The following DMGDH variants were observed in gnomAD, a reference collection of about 807,000 sequenced individuals.
DMGDH encodes dimethylglycine dehydrogenase.
In DMGDH, 76 loss-of-function variants were observed where a neutral mutation model predicts 95.2. The ratio of observed to expected loss-of-function variants is 0.80; its 90% CI spans 0.66 to 0.97. DMGDH has a LOEUF of 0.97. DMGDH is among the 50% of genes least tolerant of loss of function. The pLI, the probability that DMGDH is intolerant of heterozygous loss-of-function variation, is 0.00. For missense variants in DMGDH, 987 were observed against 1,055.0 expected (o/e 0.94, Z 0.89); for synonymous variants, 345 against 377.6 (o/e 0.91, Z 1.00).
chr5:79,017,770 C>T (rs1753765994), intron 14 of DMGDH, among the ~76,000 whole-genome samples: 1 of 152,180 alleles, frequency 6.6e-6, no homozygotes, highest in African/African-American at 2.4e-5. Flanking sequence ...CTTATATGTG[C>T]ATTTTTTTCA....
chr5:79,060,382 C>A (rs1007533529), intron 2 of DMGDH, among the ~76,000 whole-genome samples: 14 of 152,200 alleles, frequency 9.2e-5, no homozygotes, highest in African/African-American at 3.4e-4. Flanking sequence ...ATATCATGAG[C>A]TGACAAAGCA....
rs1399102215 is a variant in DMGDH, at chr5:79,050,267, AAAAAAAATATATATATAT to A, written c.745+1002_745+1019del. The stretch of plus-strand genomic sequence containing the variant: ...TTGTCTCAAAAAAAAAAAAAAAAAA[AAAAAAAATATATATATAT>A]ATATATATATATATATACCTCAAAA... On this transcript the variant is annotated intron_variant, in intron 5 of 15. Coordinates refer to ENST00000255189, the MANE Select transcript of DMGDH (RefSeq NM_013391.3). Among the ~76,000 whole-genome samples the A allele has an allele frequency of 7.1e-3, 334 of 46,836 alleles. 3 individuals carry two copies. Among genetic ancestry groups the A allele is most frequent in the South Asian group, 0.029 (43 of 1,480 alleles). 30.7% of individuals were successfully genotyped at this position (46,836 alleles called of 152,430 possible). A position where few individuals can be genotyped will look rare whatever the true frequency, so the allele number is the denominator to read the frequency against.
In DMGDH at chr5:79,060,204, C is replaced by T. The variant is rs547337561; in HGVS notation, c.276+3409G>A. Among the ~76,000 whole-genome samples, 10 of 152,330 alleles carry T rather than the reference C, an allele frequency of 6.6e-5. No individual in the cohort carries two copies. In the East Asian group the frequency reaches 1.9e-3, roughly 29 times the overall value. On this transcript the variant is annotated intron_variant, in intron 2 of 15. Transcript: ENST00000255189. ...TGGAAAGTTCTTATATCACCTCCTA[C>T]ACCCCAAATGGATCATCCTGAATCT...
At chr5:79,018,650 T>A (rs1347689765) in intron 14 of DMGDH, among the ~76,000 whole-genome samples, 3 of 152,128 alleles carry the variant, frequency 2.0e-5, no homozygotes, top group Non-Finnish European at 2.9e-5. Context: ...TTGCTTACTT[T>A]AAATATGTCA....
Position 79,026,483 on chromosome 5 carries a change from C to T in DMGDH, c.2131G>A (p.Gly711Arg), listed in dbSNP as rs1231574258. 6.2e-7 allele frequency: 1 copy of T among 1,613,960 alleles called. No individual in the cohort carries two copies. The highest frequency in any genetic ancestry group is 8.5e-7 in the Non-Finnish European group (1 of 1,180,016). The stretch of plus-strand genomic sequence containing the variant: ...CGTAAGGCATTCATGGCATAGGTTC[C>T]AAAATTGTCGATTCCCTCCTCCTGG... ...AGQEEGIDNF[G>R]TYAMNALRLE... Residue 711 changes from glycine (G) to arginine (R), a missense_variant, in exon 13 of 16, where the codon GGA becomes AGA. Physicochemically the swap from Gly to Arg is moderately radical, Grantham distance 125. Transcript: ENST00000255189.
chr5:79,069,513 C>T lies in DMGDH; in HGVS notation c.101+7G>A. ...GTCGCCTCTGAGCAGGACGGGGCCCCACTCACCCTTCCCGGCCGCAGACAG... is the reference window on the plus strand; with the variant it reads ...GTCGCCTCTGAGCAGGACGGGGCCCTACTCACCCTTCCCGGCCGCAGACAG... On this transcript the variant is annotated splice_region_variant and intron_variant, in intron 1 of 15. Coordinates refer to ENST00000255189, the MANE Select transcript of DMGDH (RefSeq NM_013391.3). The T allele has an allele frequency of 7.8e-7, 1 of 1,284,928 alleles. No homozygotes were observed. The highest frequency in any genetic ancestry group is 2.5e-5 in the South Asian group (1 of 39,816). 79.6% of individuals were successfully genotyped at this position (1,284,928 alleles called of 1,614,324 possible).
chr5:79,004,023 G>A (rs975152086), intron 15 of DMGDH, among the ~76,000 whole-genome samples: 2 of 152,054 alleles, frequency 1.3e-5, no homozygotes, highest in African/African-American at 4.8e-5. Context: ...AGACAGAAAA[G>A]AGATCAAATT....
At chr5:79,003,028 A>G (rs1263772179) in intron 15 of DMGDH, among the ~76,000 whole-genome samples, 4 of 152,226 alleles carry the variant, frequency 2.6e-5, no homozygotes, top group Non-Finnish European at 5.9e-5. Flanking sequence ...TTTAAAACTA[A>G]TTTTGTTATC....
chr5:79,052,180 A>C (rs996082924), intron 4 of DMGDH, among the ~76,000 whole-genome samples: 1 of 152,196 alleles, frequency 6.6e-6, no homozygotes, highest in African/African-American at 2.4e-5. Flanking sequence ...ATACTGCATA[A>C]TCTGTTTTAT....
intron 7 of DMGDH, among the ~76,000 whole-genome samples, chr5:79,034,797 C>G (rs1330523637): frequency 6.6e-6 from 1 of 152,132 alleles, no homozygotes; most frequent in Non-Finnish European, 1.5e-5. Flanking sequence ...ATGTCTCACG[C>G]CTGTAATCCC....
chr5:79,051,693 A>G (rs543209163), intron 4 of DMGDH, among the ~76,000 whole-genome samples: 1 of 152,342 alleles, frequency 6.6e-6, no homozygotes, highest in African/African-American at 2.4e-5. Context: ...ATAAACCTCT[A>G]TCTTGTTTAC....
chr5:79,038,612 A>G lies in DMGDH; in HGVS notation c.1193+3671T>C, dbSNP rs79754139. ...TTTTTTATAAAGATGCTGTGGTATA[A>G]TAAAAATTAAATATTTGGTCTTTAT... On this transcript the variant is annotated intron_variant, in intron 7 of 15. Transcript: ENST00000255189. 2.1e-3 allele frequency among the ~76,000 whole-genome samples: 319 copies of G among 152,352 alleles called. 1 individual carries two copies. The highest frequency in any genetic ancestry group is 6.8e-3 in the African/African-American group (284 of 41,580).
intron 6 of DMGDH, among the ~76,000 whole-genome samples, chr5:79,044,018 G>A (rs1580214130): frequency 6.6e-6 from 1 of 152,208 alleles, no homozygotes; most frequent in African/African-American, 2.4e-5. Flanking sequence ...GGGGAGGCAG[G>A]AGGTTGTGTG....
chr5:79,031,161 A>G (rs997096373), intron 9 of DMGDH, among the ~76,000 whole-genome samples, 163 bp from the exon 10 acceptor site: 2 of 152,184 alleles, frequency 1.3e-5, no homozygotes, highest in African/African-American at 2.4e-5. Flanking sequence ...TGTTCTGCAA[A>G]TCATTCATGT....
intron 1 of DMGDH, among the ~76,000 whole-genome samples, chr5:79,065,283 A>C (rs990896878): frequency 2.1e-5 from 3 of 140,148 alleles, no homozygotes; most frequent in Non-Finnish European, 3.0e-5. Flanking sequence ...CAGTGGCGCC[A>C]TCTTTGCAAA....
At chr5:79,018,950 C>T (rs532953629) in intron 14 of DMGDH, among the ~76,000 whole-genome samples, 7 of 152,194 alleles carry the variant, frequency 4.6e-5, no homozygotes, top group African/African-American at 1.7e-4. Context: ...TCTTCCTTTC[C>T]TTCTCTTCCC....
At chr5:79,051,640 A>G (rs1325806476) in intron 4 of DMGDH, 149 bp from the exon 5 acceptor site, 1 of 711,376 alleles carries the variant, frequency 1.4e-6, no homozygotes, top group East Asian at 2.7e-5. Context: ...GACTTCATGA[A>G]AAAGCCACCA....
In DMGDH at chr5:79,022,570, T is replaced by C. The variant is rs376189598; in HGVS notation, c.2250+1701A>G. Among the ~76,000 whole-genome samples, 17 of 152,294 alleles carry C rather than the reference T, an allele frequency of 1.1e-4. No individual in the cohort carries two copies. In the East Asian group the frequency reaches 1.5e-3, roughly 14 times the overall value. On this transcript the variant is annotated intron_variant, in intron 14 of 15. Coordinates refer to ENST00000255189, the MANE Select transcript of DMGDH (RefSeq NM_013391.3). ...CCTATAAAATCATTAGGAATTAACT[T>C]TGTGACACTTGAATGAGAAACAACA...
chr5:79,067,348 G>A (rs779232973), intron 1 of DMGDH, among the ~76,000 whole-genome samples: 4 of 152,162 alleles, frequency 2.6e-5, no homozygotes, highest in Non-Finnish European at 4.4e-5. Flanking sequence ...GGCATATCTT[G>A]TACTTTAGTT....
Sources: gnomAD v4.1 joint callset for allele counts (sites outside exome capture counted in the v4.1 genomes callset) on GRCh38, gnomAD v4.1.1 for gene constraint, MANE v1.5 for transcripts, NCBI Gene and HGNC (gene_info 2026-07-23, HGNC 2026-07-21) for gene names.